The following RABGAP1 variants were observed in gnomAD, a reference collection of about 807,000 sequenced individuals.
The protein encoded by RABGAP1 is rab GTPase-activating protein 1.
A neutral mutation model predicts 137.6 loss-of-function variants in RABGAP1; 23 were observed. The observed-to-expected ratio is 0.17, with a 90% CI of 0.12 to 0.24. The LOEUF is 0.24. RABGAP1 is among the 10% of genes least tolerant of loss of function. The pLI, the probability that RABGAP1 is intolerant of heterozygous loss-of-function variation, is 1.00. For synonymous variants in RABGAP1, 451 were observed against 450.7 expected (o/e 1.00, Z -0.01); for missense variants, 906 against 1,275.8 (o/e 0.71, Z 4.42).
At chr9:122,982,910 C>A (rs1836154850) in intron 2 of RABGAP1, among the ~76,000 whole-genome samples, 1 of 152,084 alleles carries the variant, frequency 6.6e-6, no homozygotes, top group Admixed American at 6.6e-5. Context: ...TGCTCTATCA[C>A]CCAGGCTGGA....
At chr9:123,031,495 T>C (rs2032295232) in intron 13 of RABGAP1, among the ~76,000 whole-genome samples, 1 of 152,176 alleles carries the variant, frequency 6.6e-6, no homozygotes, top group African/African-American at 2.4e-5. Flanking sequence ...ATTTTGGATA[T>C]TTAACCAGAC....
chr9:123,015,999 G>A (rs2031198295), intron 12 of RABGAP1, among the ~76,000 whole-genome samples: 1 of 152,142 alleles, frequency 6.6e-6, no homozygotes, highest in Non-Finnish European at 1.5e-5. Flanking sequence ...CCATGGTAGA[G>A]ACCCCAGGTA....
intron 14 of RABGAP1, among the ~76,000 whole-genome samples, chr9:123,066,605 C>T (rs375626968): frequency 1.2e-4 from 19 of 152,188 alleles, no homozygotes; most frequent in African/African-American, 4.6e-4. Flanking sequence ...TGCCCCTAAA[C>T]CAGAGGCCTT....
chr9:122,956,191 C>G (rs1459483185), intron 1 of RABGAP1, among the ~76,000 whole-genome samples: 1 of 152,122 alleles, frequency 6.6e-6, no homozygotes. Context: ...TGAACTTCTC[C>G]TTTCTTGCTT....
At chr9:122,959,673 G>C (rs1270073477) in intron 2 of RABGAP1, among the ~76,000 whole-genome samples, 1 of 152,152 alleles carries the variant, frequency 6.6e-6, no homozygotes, top group Non-Finnish European at 1.5e-5. Flanking sequence ...TGAGAGAGAT[G>C]GTAACTCTTC....
At chr9:122,978,315 T>C (rs1397943365) in intron 2 of RABGAP1, among the ~76,000 whole-genome samples, 1 of 152,190 alleles carries the variant, frequency 6.6e-6, no homozygotes, top group Non-Finnish European at 1.5e-5. Context: ...GAATAATGCT[T>C]TTGAGATTTG....
chr9:123,029,373 C>A, intron 13 of RABGAP1: 1 of 1,058,034 alleles, frequency 9.5e-7, no homozygotes, highest in South Asian at 1.3e-5. Context: ...TTGCTTGGAC[C>A]TGTTCATGCA....
chr9:123,023,130 GA>G (rs2131941818), intron 13 of RABGAP1, among the ~76,000 whole-genome samples: 1 of 152,162 alleles, frequency 6.6e-6, no homozygotes, highest in South Asian at 2.1e-4. Context: ...CTACACCCCT[GA>G]GTAATCATTA....
intron 10 of RABGAP1, among the ~76,000 whole-genome samples, chr9:123,006,086 T>A (rs1463479024): frequency 6.6e-6 from 1 of 152,246 alleles, no homozygotes; most frequent in Non-Finnish European, 1.5e-5. Flanking sequence ...CTTTGTATAT[T>A]CAAGAGAGAT....
In RABGAP1 at chr9:123,010,525, G is replaced by A. The variant is rs755910886; in HGVS notation, c.1546G>A (p.Glu516Lys). The A allele has an allele frequency of 3.7e-6, 6 of 1,612,932 alleles. No individual in the cohort carries two copies. The highest frequency in any genetic ancestry group is 1.3e-5 in the African/African-American group (1 of 75,020). The change falls in exon 11 of 26, where the codon GAA becomes AAA. Residue 516 changes from glutamate (E) to lysine (K), a missense_variant. Glu to Lys is a moderately conservative substitution (Grantham distance 56). Transcript: ENST00000373647. The part of the protein sequence containing the change: ...IPSPPEDDEE[E>K]DNDEPLLSGS... Reference sequence around the variant, plus strand: ...TTCTCCTCCAGAAGATGATGAAGAGGAAGGTAAACTGTAGGGATAGCTTAA... The same window carrying A: ...TTCTCCTCCAGAAGATGATGAAGAGAAAGGTAAACTGTAGGGATAGCTTAA...
chr9:122,991,991 T>G (rs1836747928), intron 6 of RABGAP1, among the ~76,000 whole-genome samples: 1 of 152,140 alleles, frequency 6.6e-6, no homozygotes, highest in Non-Finnish European at 1.5e-5. Flanking sequence ...CTGTATAATT[T>G]TAAGTAGTTT....
At chr9:122,954,687 A>T (rs1283911771) in intron 1 of RABGAP1, among the ~76,000 whole-genome samples, 2 of 152,218 alleles carry the variant, frequency 1.3e-5, no homozygotes, top group African/African-American at 4.8e-5. Flanking sequence ...CTTCTCTTGA[A>T]GTACAAATTC....
intron 2 of RABGAP1, among the ~76,000 whole-genome samples, chr9:122,960,413 A>G (rs1834789780): frequency 6.6e-6 from 1 of 152,188 alleles, no homozygotes; most frequent in Non-Finnish European, 1.5e-5. Context: ...TCTCATCCCA[A>G]GGTGACAGTG....
intron 1 of RABGAP1, among the ~76,000 whole-genome samples, chr9:122,948,084 A>G (rs1005784611): frequency 7.6e-6 from 1 of 132,034 alleles, no homozygotes; most frequent in African/African-American, 3.2e-5. Context: ...CACACACACA[A>G]ACTGAAACTA....
Position 122,986,327 on chromosome 9 carries a change from A to G in RABGAP1, c.498A>G (p.Glu166=), listed in dbSNP as rs755450351. Residue 166 remains glutamate (E), a synonymous_variant, in exon 4 of 26, where the codon GAA becomes GAG. Coordinates refer to ENST00000373647, the MANE Select transcript of RABGAP1 (RefSeq NM_012197.4). ...ASVNAPRSEV[E]ALRMMSILRS... Reference sequence around the variant, plus strand: ...TAAATGCTCCCAGGAGTGAAGTGGAAGCCTTAAGGATGATGTCCATCTTAA... The same window carrying G: ...TAAATGCTCCCAGGAGTGAAGTGGAGGCCTTAAGGATGATGTCCATCTTAA... The G allele has an allele frequency of 5.6e-6, 9 of 1,614,132 alleles. No individual in the cohort carries two copies. In the South Asian group the frequency reaches 9.9e-5, roughly 18 times the overall value.
At chr9:123,023,751 CTTA>C (rs1210885178) in intron 13 of RABGAP1, among the ~76,000 whole-genome samples, 1 of 152,054 alleles carries the variant, frequency 6.6e-6, no homozygotes, top group Non-Finnish European at 1.5e-5. Context: ...ACATATTATA[CTTA>C]TTTAGACAAT....
At chr9:123,010,061 ACAATATGGTTTGAAGACAAAC>A (rs1397179429) in intron 10 of RABGAP1, among the ~76,000 whole-genome samples, 1 of 152,162 alleles carries the variant, frequency 6.6e-6, no homozygotes, top group Non-Finnish European at 1.5e-5. Context: ...TGGATACTTG[ACAATATGGTTTGAAGACAAAC>A]CAATATGGTT....
At chr9:123,015,415 C>T in intron 11 of RABGAP1, 128 bp from the exon 12 acceptor site, 3 of 451,340 alleles carry the variant, frequency 6.6e-6, no homozygotes. Flanking sequence ...TCCATAAATA[C>T]TAAAAGAGAG....
At chr9:123,027,103 CTTTTCTTTT>C (rs1181107005) in intron 13 of RABGAP1, among the ~76,000 whole-genome samples, 7 of 136,012 alleles carry the variant, frequency 5.1e-5, no homozygotes, top group African/African-American at 1.9e-4. Flanking sequence ...TTCTTTCTTT[CTTTTCTTTT>C]TTTTTTTTTT....
Sources: allele counts gnomAD v4.1 joint callset (sites outside exome capture counted in the v4.1 genomes callset), GRCh38; gene constraint gnomAD v4.1.1; transcripts MANE v1.5; gene names NCBI Gene and HGNC (gene_info 2026-07-23, HGNC 2026-07-21).